Variants in SCN1A observed in about 807,000 individuals in gnomAD.
SCN1A encodes sodium channel protein type 1 subunit alpha.
A neutral mutation model predicts 193.7 loss-of-function variants in SCN1A; 13 were observed. That is an observed-to-expected ratio of 0.07 (90% CI 0.04 to 0.11). SCN1A has a LOEUF of 0.11. Ranked by LOEUF, SCN1A falls within the 10% of genes least tolerant of loss-of-function variation. The pLI, the probability that SCN1A is intolerant of heterozygous loss-of-function variation, is 1.00. For missense variants in SCN1A, 1,432 were observed against 2,451.1 expected (o/e 0.58, Z 8.78); for synonymous variants, 781 against 843.6 (o/e 0.93, Z 1.29).
intron 2 of SCN1A, among the ~76,000 whole-genome samples, chr2:166,096,549 G>T (rs1483274000): frequency 6.6e-6 from 1 of 152,062 alleles, no homozygotes; most frequent in Non-Finnish European, 1.5e-5. Context: ...CAAAGTGCTG[G>T]GATTACAGGC....
chr2:166,040,936 C>A (rs2105825746), intron 16 of SCN1A, among the ~76,000 whole-genome samples: 1 of 152,206 alleles, frequency 6.6e-6, no homozygotes, highest in East Asian at 1.9e-4. Flanking sequence ...AATAATATCT[C>A]AAAAAGTATG....
chr2:166,129,035 T>C (rs1691521533), upstream of SCN1A, among the ~76,000 whole-genome samples: 1 of 152,216 alleles, frequency 6.6e-6, no homozygotes, highest in South Asian at 2.1e-4. Context: ...TCTAACACAC[T>C]TATTACAATC....
intron 2 of SCN1A, among the ~76,000 whole-genome samples, chr2:166,093,589 C>T (rs1191787110): frequency 2.6e-5 from 4 of 152,082 alleles, no homozygotes; most frequent in African/African-American, 7.2e-5. Context: ...ACGATCCACC[C>T]GCCTCGGCCT....
intron 19 of SCN1A, among the ~76,000 whole-genome samples, chr2:166,030,165 C>T (rs2390322): frequency 0.74 from 112,202 of 152,120 alleles, 41,770 homozygotes; most frequent in East Asian, 0.89. Flanking sequence ...TTTAGTGTAG[C>T]GGTTAAGAGC....
chr2:166,145,190 C>A (rs371761724), intron 1 of SCN1A, among the ~76,000 whole-genome samples: 3 of 139,262 alleles, frequency 2.2e-5, no homozygotes, highest in African/African-American at 8.0e-5. Flanking sequence ...GACAGAGTCT[C>A]GCTCTGTCGT....
chr2:166,082,979 C>T (rs778229734), intron 2 of SCN1A, among the ~76,000 whole-genome samples: 9 of 152,012 alleles, frequency 5.9e-5, no homozygotes, highest in African/African-American at 1.7e-4. Context: ...TGAAGTGTTT[C>T]AGTTCGTTTT....
intron 4 of SCN1A, among the ~76,000 whole-genome samples, chr2:166,065,950 CAT>C (rs1449539915): frequency 2.6e-5 from 4 of 152,136 alleles, no homozygotes; most frequent in African/African-American, 9.7e-5. Context: ...TTTAACAAAA[CAT>C]GTCTGTGGAC....
chr2:166,001,879 CTTTTTTTTT>C (rs71393699), intron 24 of SCN1A, among the ~76,000 whole-genome samples: 1 of 46,372 alleles, frequency 2.2e-5, no homozygotes, highest in East Asian at 1.1e-3. Flanking sequence ...AATTCTCTCT[CTTTTTTTTT>C]TTTTTTTTTT....
intron 2 of SCN1A, among the ~76,000 whole-genome samples, chr2:166,112,959 T>G (rs545281707): frequency 2.0e-5 from 3 of 152,212 alleles, no homozygotes; most frequent in African/African-American, 7.2e-5. Context: ...TTCCAGGCTG[T>G]TCCTTTACAA....
chr2:166,090,066 G>A (rs184546022), intron 2 of SCN1A, among the ~76,000 whole-genome samples: 548 of 105,578 alleles, frequency 5.2e-3, no homozygotes, highest in Non-Finnish European at 8.0e-3. Context: ...TTGATATAGG[G>A]TATTGCCCTG....
intron 24 of SCN1A, 46 bp downstream of exon 24, chr2:166,002,426 T>G (rs1224855328): frequency 6.5e-7 from 1 of 1,550,238 alleles, no homozygotes; most frequent in Non-Finnish European, 8.9e-7. Flanking sequence ...TATTTTGTTA[T>G]TATTCCAAAC....
rs1232985440 is a variant in SCN1A, at chr2:165,986,324, G to T, written c.*4921C>A. The T allele has an allele frequency of 6.6e-6, 1 of 152,082 alleles. No individual in the cohort carries two copies. The highest frequency in any genetic ancestry group is 2.4e-5 in the African/African-American group (1 of 41,430). The allele number at this position is 152,082 out of a possible 1,614,324, so 9.4% of individuals were successfully genotyped here. A position where few individuals can be genotyped will look rare whatever the true frequency, so the allele number is the denominator to read the frequency against. ...CATAAGGGTGCTGCTCTGTGGAGCT[G>T]TGTTTGGAATTACTATTTATACCCA... On this transcript the variant is annotated 3_prime_UTR_variant, in exon 29 of 29. Coordinates refer to ENST00000674923, the MANE Select transcript of SCN1A (RefSeq NM_001165963.4).
Position 166,038,007 on chromosome 2 carries a change from G to C in SCN1A, c.2715C>G (p.Ala905=). ...LVLAIIVFIF[A]VVGMQLFGKS... ...TACCAAAGAGCTGCATGCCGACCAC[G>C]GCAAAAATGAAGACGATGATGGCCA... The change falls in exon 18 of 29, where the codon GCC becomes GCG. Residue 905 remains alanine (A), a synonymous_variant. Coordinates refer to ENST00000674923, the MANE Select transcript of SCN1A (RefSeq NM_001165963.4). 1 of 1,614,176 alleles carries C rather than the reference G, an allele frequency of 6.2e-7. No individual in the cohort carries two copies. The highest frequency in any genetic ancestry group is 8.5e-7 in the Non-Finnish European group (1 of 1,180,040).
At chr2:165,997,991 G>C (rs1157291950) in intron 26 of SCN1A, 47 bp downstream of exon 26, 1 of 1,481,240 alleles carries the variant, frequency 6.8e-7, no homozygotes, top group Admixed American at 1.7e-5. Flanking sequence ...ACACTCCAAG[G>C]AATAATTTTC....
At chr2:166,053,218 T>G in intron 7 of SCN1A, 1 of 641,876 alleles carries the variant, frequency 1.6e-6, no homozygotes, top group East Asian at 2.7e-5. Context: ...TTGGTGATTT[T>G]AAATGATAAA....
intron 1 of SCN1A, among the ~76,000 whole-genome samples, chr2:166,137,914 G>A (rs776551167): frequency 6.6e-6 from 1 of 152,200 alleles, no homozygotes; most frequent in African/African-American, 2.4e-5. Flanking sequence ...TATGAACAAC[G>A]AAATCCAGGC....
chr2:166,032,202 TACACACACACACACAC>T, intron 19 of SCN1A, among the ~76,000 whole-genome samples: 1 of 77,236 alleles, frequency 1.3e-5, no homozygotes, highest in Non-Finnish European at 2.3e-5. Flanking sequence ...TTGAAAGTCA[TACACACACACACACAC>T]ACACACACAC....
At chr2:166,039,861 A>G (rs1254557413) in intron 16 of SCN1A, among the ~76,000 whole-genome samples, 1 of 149,544 alleles carries the variant, frequency 6.7e-6, no homozygotes, top group East Asian at 2.0e-4. Context: ...GGCTTGCTTG[A>G]TATCATACAG....
At chr2:166,133,877 C>G (rs180734758) in intron 1 of SCN1A, 1 of 152,150 alleles carries the variant, frequency 6.6e-6, no homozygotes, top group African/African-American at 2.4e-5. Flanking sequence ...CACCTCTCCA[C>G]GGTCTGACCC....
Sources: allele counts gnomAD v4.1 joint callset (sites outside exome capture counted in the v4.1 genomes callset), GRCh38; gene constraint gnomAD v4.1.1; transcripts MANE v1.5; gene names NCBI Gene and HGNC (gene_info 2026-07-23, HGNC 2026-07-21).